The following UGT1A7 variants were observed in gnomAD, a reference collection of about 807,000 sequenced individuals.
The protein encoded by UGT1A7 is UDP-glucuronosyltransferase 1A7.
A neutral mutation model predicts 45.6 loss-of-function variants in UGT1A7; 33 were observed. That is an observed-to-expected ratio of 0.72 (90% CI 0.55 to 0.97). The LOEUF is 0.97. Ranked by LOEUF, UGT1A7 falls within the 50% of genes least tolerant of loss-of-function variation. The probability of loss-of-function intolerance (pLI) is 0.00; values close to 1 mark genes in which losing one functional copy is unlikely to be tolerated. For missense variants in UGT1A7, 684 were observed against 666.2 expected (o/e 1.03, Z -0.29); for synonymous variants, 274 against 250.6 (o/e 1.09, Z -0.88).
chr2:233,722,354 A>G (rs2077008868), intron 1 of UGT1A7, among the ~76,000 whole-genome samples: 2 of 152,262 alleles, frequency 1.3e-5, no homozygotes, highest in African/African-American at 4.8e-5. Flanking sequence ...CTACAAATAT[A>G]CAAGACTAAA....
At chr2:233,767,994 T>G (rs1699541043) in intron 3 of UGT1A7, 58 bp downstream of exon 3, 2 of 1,614,136 alleles carry the variant, frequency 1.2e-6, no homozygotes, top group Non-Finnish European at 1.7e-6. Context: ...GAAAATGGCT[T>G]AAGCACAGCT....
Position 233,719,463 on chromosome 2 carries a change from C to G in UGT1A7, c.855+36671C>G, listed in dbSNP as rs778257140. On this transcript the variant is annotated intron_variant, in intron 1 of 4. Transcript: ENST00000373426. ...ATTCCTGCAAAGGGTCAAGAACATG[C>G]TCTACCCTCTGGCCCTGTCCTACAT... 3 of 1,613,862 alleles carry G rather than the reference C, an allele frequency of 1.9e-6. No homozygotes were observed. The South Asian group carries it at 3.3e-5, about 18-fold the overall frequency.
chr2:233,752,822 A>T (rs1200323713), intron 1 of UGT1A7, among the ~76,000 whole-genome samples: 1 of 152,248 alleles, frequency 6.6e-6, no homozygotes, highest in East Asian at 1.9e-4. Flanking sequence ...CCCATTTATG[A>T]CATCAGTAAT....
chr2:233,743,044 G>GTCT, intron 1 of UGT1A7: 2 of 317,270 alleles, frequency 6.3e-6, no homozygotes, highest in Non-Finnish European at 1.2e-5. Flanking sequence ...TCCTATCCGT[G>GTCT]TAGTCCCAAC....
chr2:233,747,864 C>G, intron 1 of UGT1A7: 2 of 1,613,576 alleles, frequency 1.2e-6, no homozygotes, highest in South Asian at 2.2e-5. Context: ...GCTCTACCCT[C>G]TGGCCCTGTC....
rs1187265864 is a variant in UGT1A7 at position 233,756,550 on chromosome 2, C to T, written c.856-10484C>T. Among the ~76,000 whole-genome samples the T allele has an allele frequency of 2.0e-5, 3 of 152,052 alleles. No homozygotes were observed. In the South Asian group the frequency reaches 6.2e-4, roughly 32 times the overall value. On this transcript the variant is annotated intron_variant, in intron 1 of 4. Transcript: ENST00000373426. ...TCACTTTTCTTGACTGCTAAAACAA[C>T]CAGGGAGATCCTCTCAGACAAAAGG...
chr2:233,768,469 G>A (rs1403858659), intron 4 of UGT1A7, 30 bp downstream of exon 4: 1 of 1,603,172 alleles, frequency 6.2e-7, no homozygotes, highest in African/African-American at 1.3e-5. Flanking sequence ...AGAATACTTT[G>A]GTCATGGCAT....
At chr2:233,733,344 T>A (rs1194194853) in intron 1 of UGT1A7, among the ~76,000 whole-genome samples, 4 of 152,230 alleles carry the variant, frequency 2.6e-5, no homozygotes, top group African/African-American at 9.6e-5. Flanking sequence ...TCCAACAGTA[T>A]GTTGAGTAGG....
intron 1 of UGT1A7, among the ~76,000 whole-genome samples, chr2:233,739,686 T>A (rs558118355): frequency 4.6e-5 from 7 of 152,354 alleles, no homozygotes; most frequent in Admixed American, 4.6e-4. Context: ...ACTAACTTGT[T>A]TTTGATTTTA....
chr2:233,745,363 G>T (rs1011191922), intron 1 of UGT1A7, among the ~76,000 whole-genome samples: 1 of 151,804 alleles, frequency 6.6e-6, no homozygotes, highest in African/African-American at 2.4e-5. Flanking sequence ...ATTTTTTTGA[G>T]ATCTGAGTTC....
chr2:233,690,537 C>T, intron 1 of UGT1A7: 1 of 1,289,784 alleles, frequency 7.8e-7, no homozygotes, highest in Non-Finnish European at 1.0e-6. Flanking sequence ...TTCTTTCACC[C>T]CACTGGAATA....
intron 1 of UGT1A7, among the ~76,000 whole-genome samples, chr2:233,696,657 C>A (rs2125568532): frequency 6.6e-6 from 1 of 152,248 alleles, no homozygotes; most frequent in Admixed American, 6.5e-5. Context: ...ACTTCCAGTA[C>A]TATGAAGAAT....
intron 1 of UGT1A7, among the ~76,000 whole-genome samples, chr2:233,689,465 C>G (rs2074945265): frequency 6.6e-6 from 1 of 152,154 alleles, no homozygotes; most frequent in African/African-American, 2.4e-5. Context: ...TTTAGGAAAA[C>G]AGAAGTTACA....
At chr2:233,766,659 G>C (rs1373000724) in intron 1 of UGT1A7, among the ~76,000 whole-genome samples, 1 of 152,094 alleles carries the variant, frequency 6.6e-6, no homozygotes, top group Non-Finnish European at 1.5e-5. Context: ...AAGGGACCAC[G>C]CCCTTCCCAG....
intron 1 of UGT1A7, among the ~76,000 whole-genome samples, chr2:233,738,688 T>G (rs1408862943): frequency 6.6e-6 from 1 of 152,138 alleles, no homozygotes; most frequent in Non-Finnish European, 1.5e-5. Flanking sequence ...AATTGGAACT[T>G]ATGTTTAAAA....
chr2:233,754,397 T>G (rs1695471341), intron 1 of UGT1A7: 2 of 336,018 alleles, frequency 6.0e-6, no homozygotes, highest in African/African-American at 4.3e-5. Flanking sequence ...GTCCTATCCG[T>G]GCAGTCCCAA....
chr2:233,693,102 C>T, intron 1 of UGT1A7: 1 of 1,614,144 alleles, frequency 6.2e-7, no homozygotes, highest in Non-Finnish European at 8.5e-7. Flanking sequence ...CTGGTGGTCC[C>T]TCAGGACGGA....
intron 1 of UGT1A7, chr2:233,754,340 T>C (rs17862879): frequency 7.9e-6 from 2 of 252,142 alleles, no homozygotes; most frequent in Non-Finnish European, 1.6e-5. Flanking sequence ...GTTTAATAAA[T>C]AGCAAATTGC....
At chr2:233,747,138 G>A in intron 1 of UGT1A7, 1 of 1,552,384 alleles carries the variant, frequency 6.4e-7, no homozygotes. Context: ...CAGTGACAAG[G>A]TAATTAAGAT....
Sources: allele counts gnomAD v4.1 joint callset (sites outside exome capture counted in the v4.1 genomes callset), GRCh38; gene constraint gnomAD v4.1.1; transcripts MANE v1.5; gene names NCBI Gene and HGNC (gene_info 2026-07-23, HGNC 2026-07-21).